ARMC12: variants seen among roughly 807,000 people sequenced by gnomAD.
The protein encoded by ARMC12 is armadillo repeat containing 12, also known as armadillo repeat-containing protein 12.
A neutral mutation model predicts 37.4 loss-of-function variants in ARMC12; 25 were observed. The ratio of observed to expected loss-of-function variants is 0.67; its 90% CI spans 0.49 to 0.93. ARMC12 has a LOEUF of 0.93. Ranked by LOEUF, ARMC12 falls within the 40% of genes least tolerant of loss-of-function variation. ARMC12 has a pLI of 0.00. For missense variants in ARMC12, 384 were observed against 426.6 expected, an observed-to-expected ratio of 0.90 and a Z score of 0.88; for synonymous variants, 167 against 176.1, an observed-to-expected ratio of 0.95 and a Z score of 0.41.
chr6:35,742,373 G>A (rs1324421882), intron 3 of ARMC12, among the ~76,000 whole-genome samples: 1 of 151,496 alleles, frequency 6.6e-6, no homozygotes. Flanking sequence ...GCGGGCACCT[G>A]TAATCCCAGC....
At chr6:35,739,958 C>A (rs1336933636) in intron 3 of ARMC12, among the ~76,000 whole-genome samples, 1 of 152,188 alleles carries the variant, frequency 6.6e-6, no homozygotes, top group Non-Finnish European at 1.5e-5. Flanking sequence ...GTCTTTCTGG[C>A]AACCAGAAGC....
At chr6:35,733,205 G>A (rs1273058539), upstream of ARMC12, among the ~76,000 whole-genome samples, 1 of 151,996 alleles carries the variant, frequency 6.6e-6, no homozygotes. Context: ...TAAAAAAGAC[G>A]ACCAGCGTGA....
chr6:35,737,149 T>C lies in ARMC12; in HGVS notation c.41T>C (p.Ile14Thr), dbSNP rs762858259. Residue 14 changes from isoleucine to threonine, a missense_variant, in exon 1 of 6, where the codon ATC becomes ACC. Transcript: ENST00000373866. ...CCCCAATACCTGGGGCAACTGGACA[T>C]CCGCAAAAGCGTAGTCAGCCTGGCC... ...SIPQYLGQLD[I>T]RKSVVSLATG... 2 of 1,614,210 alleles carry C rather than the reference T, an allele frequency of 1.2e-6. No individual in the cohort carries two copies. The highest frequency in any genetic ancestry group is 1.7e-6 in the Non-Finnish European group (2 of 1,180,040).
chr6:35,740,312 A>T (rs772944472), intron 3 of ARMC12, among the ~76,000 whole-genome samples: 1 of 152,122 alleles, frequency 6.6e-6, no homozygotes, highest in African/African-American at 2.4e-5. Flanking sequence ...CTGCCATGAA[A>T]AAAATGGCTT....
chr6:35,740,865 T>C (rs1767141867), intron 3 of ARMC12, among the ~76,000 whole-genome samples: 1 of 151,976 alleles, frequency 6.6e-6, no homozygotes, highest in African/African-American at 2.4e-5. Context: ...GTGGAGAGAT[T>C]CATCCTTATT....
chr6:35,742,551 T>C (rs1767207157), intron 3 of ARMC12, among the ~76,000 whole-genome samples: 1 of 149,230 alleles, frequency 6.7e-6, no homozygotes, highest in South Asian at 2.1e-4. Flanking sequence ...CAGGAGAACT[T>C]TGTTTTTCAC....
rs567267972 is a variant in ARMC12, at chr6:35,738,577, A to G, written c.444+59A>G. ...ATGTCTATAGTCCTTAAGTCCTTTA[A>G]TTGCCATAGGATAAATGGTCATGTT... On this transcript the variant is annotated intron_variant, in intron 3 of 5. Coordinates refer to ENST00000373866, the MANE Select transcript of ARMC12 (RefSeq NM_001286574.2). 1.9e-6 allele frequency: 3 copies of G among 1,586,832 alleles called. No individual in the cohort carries two copies. In the African/African-American group the frequency reaches 4.0e-5, roughly 21 times the overall value.
At chr6:35,744,623 TG>T (rs893889128) in intron 3 of ARMC12, among the ~76,000 whole-genome samples, 1 of 151,920 alleles carries the variant, frequency 6.6e-6, no homozygotes, top group African/African-American at 2.4e-5. Flanking sequence ...GGCATGGTGG[TG>T]GGCACCTGTA....
At chr6:35,743,756 T>G (rs1581927358) in intron 3 of ARMC12, among the ~76,000 whole-genome samples, 2 of 140,276 alleles carry the variant, frequency 1.4e-5, no homozygotes, top group Admixed American at 7.2e-5. Flanking sequence ...AGGCGGGGGG[T>G]GGATAAAGGA....
chr6:35,737,024 A>T (rs1469686850), upstream of ARMC12: 1 of 1,570,558 alleles, frequency 6.4e-7, no homozygotes, highest in Non-Finnish European at 8.6e-7. Flanking sequence ...CTGGTTCCTG[A>T]CCCTGCCAGA....
chr6:35,742,877 G>C (rs996848349), intron 3 of ARMC12, among the ~76,000 whole-genome samples: 1 of 152,222 alleles, frequency 6.6e-6, no homozygotes, highest in African/African-American at 2.4e-5. Flanking sequence ...AGGCCATCAG[G>C]CCCTTTGGGT....
At chr6:35,741,963 T>A (rs1767181795) in intron 3 of ARMC12, among the ~76,000 whole-genome samples, 1 of 151,982 alleles carries the variant, frequency 6.6e-6, no homozygotes, top group Non-Finnish European at 1.5e-5. Flanking sequence ...ACTCAAGTGA[T>A]CCTCCCACCT....
At chr6:35,733,172 A>G (rs1397753713), upstream of ARMC12, among the ~76,000 whole-genome samples, 2 of 152,096 alleles carry the variant, frequency 1.3e-5, no homozygotes, top group African/African-American at 4.8e-5. Context: ...ACTCCGTCTC[A>G]AAAAAGAGAG....
At chr6:35,734,524 C>G (rs1487458538), upstream of ARMC12, among the ~76,000 whole-genome samples, 3 of 152,208 alleles carry the variant, frequency 2.0e-5, no homozygotes, top group Non-Finnish European at 2.9e-5. Context: ...TAGTTCCAGC[C>G]AGGCGCGGTG....
In ARMC12 at chr6:35,748,730, C is replaced by G. The variant is rs1024364139; in HGVS notation, c.883C>G (p.Leu295Val). The G allele has an allele frequency of 4.3e-6, 7 of 1,614,118 alleles. No individual in the cohort carries two copies. Among genetic ancestry groups the G allele is most frequent in the Admixed American group, 1.7e-5 (1 of 60,014 alleles). ...AGAGTCCCGACTGGCAGACCGACTACTTGCCCTGGTCATCCACCCTGAGGA... is the reference window on the plus strand; with the variant it reads ...AGAGTCCCGACTGGCAGACCGACTAGTTGCCCTGGTCATCCACCCTGAGGA... Reference protein sequence around the residue: ...GEESRLADRLLALVIHPEEDV... With the variant: ...GEESRLADRLVALVIHPEEDV... Residue 295 changes from leucine to valine, a missense_variant, in exon 6 of 6, where the codon CTT becomes GTT. By Grantham distance (32) the Leu-to-Val change is conservative. Coordinates refer to ENST00000373866, the MANE Select transcript of ARMC12 (RefSeq NM_001286574.2).
chr6:35,738,175 A>G lies in ARMC12; in HGVS notation c.309+3A>G, dbSNP rs368014121. The G allele has an allele frequency of 5.0e-6, 8 of 1,603,080 alleles. No homozygotes were observed. The African/African-American group carries it at 5.4e-5, about 11-fold the overall frequency. The stretch of plus-strand genomic sequence containing the variant: ...GTGTGTACTTGCTGGAGGCTGAGGT[A>G]AGGGAAGCAGGAGGTCCCCCCTAGC... On this transcript the variant is annotated splice_donor_region_variant and intron_variant, in intron 2 of 5. Transcript: ENST00000373866.
rs996414706 is a variant in ARMC12, at chr6:35,749,026, C to T, written c.*156C>T. ...CAGCATGGGCTTATCTCTCAAAACA[C>T]ATCCCCACTTCTATGTTTGGGGGAC... On this transcript the variant is annotated 3_prime_UTR_variant, in exon 6 of 6. Transcript: ENST00000373866. The T allele has an allele frequency of 6.0e-6, 4 of 666,848 alleles. No homozygotes were observed. In the Admixed American group the frequency reaches 1.3e-4, roughly 22 times the overall value. The allele number at this position is 666,848 out of a possible 1,614,324, so 41.3% of individuals were successfully genotyped here.
intron 3 of ARMC12, among the ~76,000 whole-genome samples, chr6:35,744,985 G>A (rs1003531065): frequency 6.6e-6 from 1 of 152,312 alleles, no homozygotes; most frequent in African/African-American, 2.4e-5. Context: ...TGCTGGCAAA[G>A]ATATAGAAAA....
Position 35,737,057 on chromosome 6 carries a change from C to G in ARMC12, c.-52C>G, listed in dbSNP as rs1453075694. 1 of 1,603,212 alleles carries G rather than the reference C, an allele frequency of 6.2e-7. No individual in the cohort carries two copies. Among genetic ancestry groups the G allele is most frequent in the Non-Finnish European group, 8.5e-7 (1 of 1,173,170 alleles). On this transcript the variant is annotated 5_prime_UTR_variant, in exon 1 of 6. Transcript: ENST00000373866. ...AGAGTTCTGGTTCCGGAAGGCCCCC[C>G]ACAGGTGCCTTGGGCCTAGCTCTCA...
Sources: allele counts gnomAD v4.1 joint callset (sites outside exome capture counted in the v4.1 genomes callset), GRCh38; gene constraint gnomAD v4.1.1; transcripts MANE v1.5; gene names NCBI Gene and HGNC (gene_info 2026-07-23, HGNC 2026-07-21).